CDH8: variants seen among roughly 807,000 people sequenced by gnomAD.
CDH8 encodes the protein cadherin-8.
CDH8 carries 17 observed loss-of-function variants against 68.1 expected under a neutral mutation model. The ratio of observed to expected loss-of-function variants is 0.25; its 90% confidence interval spans 0.17 to 0.37. The LOEUF is 0.37. CDH8 is among the 10% of genes least tolerant of loss of function. CDH8 has a pLI of 1.00. For missense variants in CDH8, 763 were observed against 999.3 expected, an observed-to-expected ratio of 0.76 and a Z score of 3.19; for synonymous variants, 372 against 365.1, an observed-to-expected ratio of 1.02 and a Z score of -0.21.
At chr16:61,656,074 G>A (rs988040371) in intron 10 of CDH8, among the ~76,000 whole-genome samples, 1 of 151,956 alleles carries the variant, frequency 6.6e-6, no homozygotes, top group East Asian at 1.9e-4. Flanking sequence ...GAGTTTCACC[G>A]TGTTAGCCAG....
intron 8 of CDH8, among the ~76,000 whole-genome samples, chr16:61,784,204 G>A (rs1449899598): frequency 6.6e-6 from 1 of 152,000 alleles, no homozygotes; most frequent in Non-Finnish European, 1.5e-5. Context: ...CTCACGTGCA[G>A]AGACACACAT....
intron 10 of CDH8, among the ~76,000 whole-genome samples, chr16:61,659,124 A>G (rs745864699): frequency 6.6e-5 from 10 of 152,224 alleles, no homozygotes; most frequent in Non-Finnish European, 1.3e-4. Flanking sequence ...TTATTAGAGA[A>G]TTCCATTTCA....
intron 2 of CDH8, among the ~76,000 whole-genome samples, chr16:61,909,476 CA>C (rs912874161): frequency 2.0e-5 from 3 of 152,126 alleles, no homozygotes; most frequent in African/African-American, 7.2e-5. Flanking sequence ...AGACATATCT[CA>C]ATACCCTACA....
At position 61,790,488 on chromosome 16, in the gene CDH8, T is replaced by C. The variant is rs558056940; in HGVS notation, c.1278-1006A>G. 6.8e-4 allele frequency among the ~76,000 whole-genome samples: 104 copies of C among 152,104 alleles called. 1 individual carries two copies. Among genetic ancestry groups the C allele is most frequent in the South Asian group, 5.6e-3 (27 of 4,824 alleles). Reference sequence around the variant, plus strand: ...CAAAGAAGGATATATGCAATTGCATTTCAGGAAGAAAGACTGAAGAAGGCC... The same window carrying C: ...CAAAGAAGGATATATGCAATTGCATCTCAGGAAGAAAGACTGAAGAAGGCC... On this transcript the variant is annotated intron_variant, in intron 7 of 11. Coordinates refer to ENST00000577390, the MANE Select transcript of CDH8 (RefSeq NM_001796.5).
intron 1 of CDH8, among the ~76,000 whole-genome samples, chr16:62,030,453 G>T (rs1902298948): frequency 6.6e-6 from 1 of 151,886 alleles, no homozygotes; most frequent in Admixed American, 6.6e-5. Flanking sequence ...TGTTTATAAA[G>T]CTCAACCAGC....
intron 3 of CDH8, among the ~76,000 whole-genome samples, chr16:61,889,305 G>T (rs1159637676): frequency 1.3e-5 from 2 of 152,098 alleles, no homozygotes; most frequent in Non-Finnish European, 2.9e-5. Context: ...ATTAGCCAAA[G>T]AATAAGTGCA....
intron 2 of CDH8, among the ~76,000 whole-genome samples, chr16:61,949,662 T>C (rs1050777581): frequency 9.2e-5 from 14 of 151,982 alleles, no homozygotes; most frequent in African/African-American, 3.4e-4. Flanking sequence ...TAATACCTTA[T>C]AGGATATGCT....
At chr16:62,016,903 G>A (rs956712709) in intron 2 of CDH8, among the ~76,000 whole-genome samples, 1 of 152,158 alleles carries the variant, frequency 6.6e-6, no homozygotes, top group Non-Finnish European at 1.5e-5. Flanking sequence ...TTTTGAAAGA[G>A]AGTTGCTTAA....
intron 2 of CDH8, among the ~76,000 whole-genome samples, chr16:61,999,443 CAGAG>C (rs554101926): frequency 2.0e-4 from 31 of 152,240 alleles, no homozygotes; most frequent in Middle Eastern, 3.4e-3. Context: ...TACTTCCACA[CAGAG>C]AGCACGAAGA....
chr16:61,810,793 G>T (rs114659670), intron 7 of CDH8, among the ~76,000 whole-genome samples: 5 of 152,026 alleles, frequency 3.3e-5, no homozygotes, highest in South Asian at 2.1e-4. Context: ...GGAGGCCGAG[G>T]GGGGCGGATC....
At chr16:61,985,763 G>A (rs1172126666) in intron 2 of CDH8, among the ~76,000 whole-genome samples, 1 of 152,050 alleles carries the variant, frequency 6.6e-6, no homozygotes, top group East Asian at 1.9e-4. Flanking sequence ...AAAATGCTGG[G>A]ATTACAGGCA....
chr16:62,021,050 C>A, intron 2 of CDH8, 102 bp downstream of exon 2: 1 of 1,028,062 alleles, frequency 9.7e-7, no homozygotes, highest in East Asian at 2.4e-5. Flanking sequence ...CTGGCTTGAA[C>A]AATTTACAGC....
At chr16:61,906,870 G>A (rs543522225) in intron 2 of CDH8, among the ~76,000 whole-genome samples, 20 of 152,124 alleles carry the variant, frequency 1.3e-4, no homozygotes, top group Non-Finnish European at 2.6e-4. Flanking sequence ...TTCAAATTTA[G>A]CATCCAACAT....
At chr16:62,029,311 C>T (rs1597136063) in intron 1 of CDH8, among the ~76,000 whole-genome samples, 1 of 152,240 alleles carries the variant, frequency 6.6e-6, no homozygotes, top group Non-Finnish European at 1.5e-5. Context: ...TGTGTATGTA[C>T]TTCAGTGGGG....
chr16:61,719,817 C>G (rs1284798420), intron 9 of CDH8, among the ~76,000 whole-genome samples: 1 of 150,838 alleles, frequency 6.6e-6, no homozygotes, highest in East Asian at 1.9e-4. Flanking sequence ...ATAATTTTCT[C>G]TGAAGGAAAT....
rs769035387 is a variant in CDH8 at position 61,653,864 on chromosome 16, A to G, written c.2144T>C (p.Val715Ala). Reference protein sequence around the residue: ...QFMPRQGLAPVPNGVDVDEFI... With the variant: ...QFMPRQGLAPAPNGVDVDEFI... ...TTCATCGACATCAACACCATTTGGA[A>G]CTGGAGCAAGCCCTTGCCTTGGCAT... is the stretch of plus-strand genomic sequence containing the variant. Residue 715 changes from valine to alanine, a missense_variant, in exon 12 of 12, where the codon GTT (valine) becomes GCT (alanine). This residue lies in a region of CDH8 where 397 missense variants were observed against 436.2 expected (regional missense o/e 0.91). Coordinates refer to ENST00000577390, the MANE Select transcript of CDH8 (RefSeq NM_001796.5). The G allele has an allele frequency of 1.9e-6, 3 of 1,614,246 alleles. No homozygotes were observed. Among genetic ancestry groups the G allele is most frequent in the African/African-American group, 1.3e-5 (1 of 75,076 alleles).
At chr16:61,988,544 A>G (rs543403675) in intron 2 of CDH8, among the ~76,000 whole-genome samples, 11 of 152,182 alleles carry the variant, frequency 7.2e-5, no homozygotes, top group African/African-American at 4.8e-5. Context: ...TCTCAGGGCC[A>G]GTCTCCATGA....
chr16:61,825,991 T>C (rs2143001886), intron 4 of CDH8, among the ~76,000 whole-genome samples: 1 of 152,012 alleles, frequency 6.6e-6, no homozygotes, highest in African/African-American at 2.4e-5. Context: ...TAGATCCTCC[T>C]GAAGTTTATT....
In CDH8 at chr16:61,875,696, T is replaced by C. The variant is rs142041831; in HGVS notation, c.548-18458A>G. On this transcript the variant is annotated intron_variant, in intron 3 of 11. Transcript: ENST00000577390. ...ATGCTTCAAGGTTCACAGAAAGTAC[T>C]ATGTCAGGTGTACATCCACGTATGC... is the stretch of plus-strand genomic sequence containing the variant. 2.1e-3 allele frequency among the ~76,000 whole-genome samples: 325 copies of C among 152,330 alleles called. 1 individual carries two copies. Among genetic ancestry groups the C allele is most frequent in the African/African-American group, 7.6e-3 (316 of 41,586 alleles).
Sources: gnomAD v4.1 joint callset for allele counts (sites outside exome capture counted in the v4.1 genomes callset) on GRCh38, gnomAD v4.1.1 for gene constraint, gnomAD v4.1.1 regional missense constraint, MANE v1.5 for transcripts, NCBI Gene and HGNC (gene_info 2026-07-23, HGNC 2026-07-21) for gene names.